The following SAMD4A variants were observed in gnomAD, a reference collection of about 807,000 sequenced individuals.
SAMD4A encodes protein Smaug homolog 1.
Under a neutral mutation model 81.3 loss-of-function variants are expected in SAMD4A, and 33 were observed. The observed-to-expected ratio is 0.41, with a 90% CI of 0.31 to 0.54. The LOEUF is 0.54. Among genes scored for constraint, SAMD4A ranks in the 20% least tolerant of loss-of-function variants. The pLI is 0.37. For missense variants in SAMD4A, 854 were observed against 951.1 expected, an observed-to-expected ratio of 0.90 and a Z score of 1.34; for synonymous variants, 389 against 382.1, an observed-to-expected ratio of 1.02 and a Z score of -0.21.
At chr14:54,745,835 C>T (rs1316802391) in intron 4 of SAMD4A, among the ~76,000 whole-genome samples, 1 of 152,214 alleles carries the variant, frequency 6.6e-6, no homozygotes, top group Non-Finnish European at 1.5e-5. Flanking sequence ...CCTTCAATCA[C>T]ATATCAGCTT....
At chr14:54,599,751 G>A (rs1427105252) in intron 2 of SAMD4A, among the ~76,000 whole-genome samples, 1 of 152,130 alleles carries the variant, frequency 6.6e-6, no homozygotes. Flanking sequence ...AATGTTACAC[G>A]GATAAGCTGA....
chr14:54,761,335 T>A (rs1040911794), intron 7 of SAMD4A, among the ~76,000 whole-genome samples: 2 of 152,200 alleles, frequency 1.3e-5, no homozygotes, highest in African/African-American at 4.8e-5. Context: ...CACTGTGCCT[T>A]CTTATCAGCT....
At chr14:54,656,829 G>T (rs995531721) in intron 2 of SAMD4A, among the ~76,000 whole-genome samples, 4 of 151,992 alleles carry the variant, frequency 2.6e-5, no homozygotes, top group South Asian at 4.1e-4. Context: ...GGATGGTCTC[G>T]ATCTCCTGAC....
chr14:54,623,011 C>T (rs1172449147), intron 2 of SAMD4A, among the ~76,000 whole-genome samples: 2 of 152,232 alleles, frequency 1.3e-5, no homozygotes, highest in African/African-American at 4.8e-5. Context: ...CCGTCACCTC[C>T]ACTAGACTGT....
intron 2 of SAMD4A, among the ~76,000 whole-genome samples, chr14:54,615,317 A>G (rs2034464530): frequency 6.6e-6 from 1 of 152,224 alleles, no homozygotes; most frequent in African/African-American, 2.4e-5. Context: ...AGATTATGTG[A>G]TCAGTAAGTG....
At chr14:54,585,035 A>G (rs1177066792) in intron 2 of SAMD4A, among the ~76,000 whole-genome samples, 1 of 152,232 alleles carries the variant, frequency 6.6e-6, no homozygotes. Flanking sequence ...CTTCTACCAT[A>G]CACAAATTTT....
intron 2 of SAMD4A, among the ~76,000 whole-genome samples, chr14:54,574,189 C>A (rs1463939336): frequency 6.6e-6 from 1 of 152,208 alleles, no homozygotes; most frequent in South Asian, 2.1e-4. Context: ...GTAGCTTACA[C>A]TCGAGTTGCA....
At chr14:54,692,499 G>T (rs2036466340) in intron 2 of SAMD4A, among the ~76,000 whole-genome samples, 1 of 152,198 alleles carries the variant, frequency 6.6e-6, no homozygotes. Flanking sequence ...CATGTCTAGA[G>T]CCTCTTGTGC....
At chr14:54,726,392 C>G (rs1322207643) in intron 3 of SAMD4A, among the ~76,000 whole-genome samples, 1 of 152,126 alleles carries the variant, frequency 6.6e-6, no homozygotes, top group Non-Finnish European at 1.5e-5. Context: ...CAAGAGTGAT[C>G]AACCCTGAGC....
rs7156736 is a variant in SAMD4A at position 54,780,475 on chromosome 14, G to T, written c.2044+3935G>T. On this transcript the variant is annotated intron_variant, in intron 11 of 12. Transcript: ENST00000554335. ...TTATTGGTGCACTGGGTCCAGTGGG[G>T]TGTGGAAGGGGCTGCCATGCAGAGG... 5.7e-3 allele frequency among the ~76,000 whole-genome samples: 862 copies of T among 152,310 alleles called. 10 individuals are homozygous for T. The highest frequency in any genetic ancestry group is 0.02 in the African/African-American group (820 of 41,544).
intron 3 of SAMD4A, among the ~76,000 whole-genome samples, chr14:54,719,016 GA>G (rs201431065): frequency 1.3e-5 from 2 of 149,344 alleles, no homozygotes; most frequent in South Asian, 2.1e-4. Context: ...AAAAAAAAAA[GA>G]AAAAAAAGAA....
At chr14:54,643,359 G>A (rs1001989693) in intron 2 of SAMD4A, among the ~76,000 whole-genome samples, 1 of 152,214 alleles carries the variant, frequency 6.6e-6, no homozygotes, top group Non-Finnish European at 1.5e-5. Context: ...GTTGGTGAAA[G>A]CAAATGCATA....
chr14:54,589,255 G>A (rs1290285229), intron 2 of SAMD4A, among the ~76,000 whole-genome samples: 1 of 152,178 alleles, frequency 6.6e-6, no homozygotes, highest in Non-Finnish European at 1.5e-5. Context: ...TATCAGGAAT[G>A]ACTGGAGATG....
intron 2 of SAMD4A, among the ~76,000 whole-genome samples, chr14:54,684,483 A>T (rs946351403): frequency 2.6e-5 from 4 of 152,208 alleles, no homozygotes; most frequent in African/African-American, 9.6e-5. Flanking sequence ...CTGGGGCTGC[A>T]CACATCTAGC....
chr14:54,742,482 G>A (rs772847443), intron 4 of SAMD4A, among the ~76,000 whole-genome samples: 9 of 152,170 alleles, frequency 5.9e-5, no homozygotes, highest in South Asian at 4.1e-4. Flanking sequence ...TCCTCTCCTC[G>A]CCTGCAGTTT....
intron 2 of SAMD4A, among the ~76,000 whole-genome samples, chr14:54,676,597 G>A (rs1209246927): frequency 6.6e-6 from 1 of 152,086 alleles, no homozygotes; most frequent in East Asian, 1.9e-4. Flanking sequence ...TGGCAAGGCT[G>A]GTCTCAAACT....
intron 6 of SAMD4A, 23 bp from the exon 7 acceptor site, chr14:54,760,138 G>A (rs758858521): frequency 1.9e-6 from 3 of 1,604,194 alleles, no homozygotes; most frequent in East Asian, 4.6e-5. Context: ...CCTAACAGAG[G>A]TCTTCCTGCT....
intron 2 of SAMD4A, among the ~76,000 whole-genome samples, chr14:54,589,576 A>G (rs914783434): frequency 2.6e-5 from 4 of 152,140 alleles, no homozygotes; most frequent in Non-Finnish European, 4.4e-5. Context: ...TTGGGGAGGG[A>G]AAAAGGTGGC....
At chr14:54,609,006 T>C (rs2034289120) in intron 2 of SAMD4A, among the ~76,000 whole-genome samples, 1 of 152,188 alleles carries the variant, frequency 6.6e-6, no homozygotes, top group Admixed American at 6.5e-5. Context: ...TGAAGGCAAA[T>C]GTTCATTTTA....
Sources: allele counts gnomAD v4.1 joint callset (sites outside exome capture counted in the v4.1 genomes callset), GRCh38; gene constraint gnomAD v4.1.1; transcripts MANE v1.5; gene names NCBI Gene and HGNC (gene_info 2026-07-23, HGNC 2026-07-21).